Variants in ASMTL observed in about 807,000 individuals in gnomAD.
The protein encoded by ASMTL is acetylserotonin O-methyltransferase like.
Under a neutral mutation model 60.3 loss-of-function variants are expected in ASMTL, and 57 were observed. That is an observed-to-expected ratio of 0.95 (90% CI 0.76 to 1.18). The LOEUF (loss-of-function observed/expected upper bound fraction) is 1.18, where lower values mean the gene tolerates loss of function less well. Ranked by LOEUF, ASMTL falls within the 50% of genes most tolerant of loss-of-function variation. The probability of loss-of-function intolerance (pLI) is 0.00; values close to 1 mark genes in which losing one functional copy is unlikely to be tolerated. For missense variants in ASMTL, 981 were observed against 852.6 expected (o/e 1.15, Z -1.88); for synonymous variants, 419 against 373.0 (o/e 1.12, Z -1.42).
chrX:1,449,233 A>G (rs1197713533), intron 1 of ASMTL, among the ~76,000 whole-genome samples: 1 of 151,996 alleles, frequency 6.6e-6, no homozygotes, highest in African/African-American at 2.4e-5. Flanking sequence ...TTGACTGTGA[A>G]GCTGCTTTTC....
In ASMTL at chrX:1,442,398, G is replaced by A. The variant is rs757247564; in HGVS notation, c.94-81C>T. 1.7e-4 allele frequency: 266 copies of A among 1,529,276 alleles called. 2 individuals carry two copies. In the South Asian group the frequency reaches 2.6e-3, roughly 15 times the overall value. The allele number at this position is 1,529,276 out of a possible 1,614,324, so 94.7% of individuals were successfully genotyped here. A position where few individuals can be genotyped will look rare whatever the true frequency, so the allele number is the denominator to read the frequency against. ...ATGGGACATGCAAGATTTGCAGGAC[G>A]CACATAGCGTTTGCTACACTCCCCG... On this transcript the variant is annotated intron_variant, in intron 1 of 12. Coordinates refer to ENST00000381317, the MANE Select transcript of ASMTL (RefSeq NM_004192.4).
chrX:1,406,348 AGATG>A lies in ASMTL; in HGVS notation c.1646-2863_1646-2860del, dbSNP rs769481405. Among the ~76,000 whole-genome samples, 36 of 145,628 alleles carry A rather than the reference AGATG, an allele frequency of 2.5e-4. No homozygotes were observed. The South Asian group carries it at 3.2e-3, about 13-fold the overall frequency. On this transcript the variant is annotated intron_variant, in intron 12 of 12. Transcript: ENST00000381317. ...AGATGGATGGATGGATTCATGGATG[AGATG>A]GATGGATAGGTGAATAGATGGTAGA...
At chrX:1,437,790 G>A (rs1485534021) in intron 3 of ASMTL, among the ~76,000 whole-genome samples, 3 of 151,556 alleles carry the variant, frequency 2.0e-5, no homozygotes, top group Non-Finnish European at 2.9e-5. Flanking sequence ...CCCGCTACTC[G>A]GGAGGCTGAG....
Position 1,403,219 on chromosome X carries a change from A to T in ASMTL, c.*50T>A. 6.5e-7 allele frequency: 1 copy of T among 1,530,298 alleles called. No homozygotes were observed. Among genetic ancestry groups the T allele is most frequent in the South Asian group, 1.1e-5 (1 of 89,052 alleles). 94.8% of individuals were successfully genotyped at this position (1,530,298 alleles called of 1,614,324 possible). A position where few individuals can be genotyped will look rare whatever the true frequency, so the allele number is the denominator to read the frequency against. On this transcript the variant is annotated 3_prime_UTR_variant, in exon 13 of 13. Coordinates refer to ENST00000381317, the MANE Select transcript of ASMTL (RefSeq NM_004192.4). Reference sequence around the variant, plus strand: ...ATGGTACTTGGGGACCGGGCGGTCCACCTGCAGCCTGGGGGAGGACATCCC... The same window carrying T: ...ATGGTACTTGGGGACCGGGCGGTCCTCCTGCAGCCTGGGGGAGGACATCCC...
intron 3 of ASMTL, among the ~76,000 whole-genome samples, chrX:1,436,259 C>A (rs1294291227): frequency 6.6e-6 from 1 of 152,214 alleles, no homozygotes; most frequent in African/African-American, 2.4e-5. Flanking sequence ...CTGCAACCTC[C>A]GCCTCCGGGG....
At chrX:1,414,161 C>A (rs192869502) in intron 11 of ASMTL, 1 of 151,852 alleles carries the variant, frequency 6.6e-6, no homozygotes, top group Non-Finnish European at 1.5e-5. Context: ...TGGAGTGATG[C>A]GGCTACAAGC....
chrX:1,417,930 C>T (rs1182775955), intron 11 of ASMTL, 43 bp downstream of exon 11: 4 of 1,565,780 alleles, frequency 2.6e-6, no homozygotes, highest in Non-Finnish European at 2.6e-6. Flanking sequence ...AGAGATGCTG[C>T]AGTCTGGAAA....
intron 8 of ASMTL, among the ~76,000 whole-genome samples, chrX:1,425,191 G>A (rs5949072): frequency 0.67 from 101,589 of 151,924 alleles, 34,965 homozygotes; most frequent in South Asian, 0.87. Context: ...ATCCATCTAC[G>A]TTATTTGTCT....
intron 12 of ASMTL, among the ~76,000 whole-genome samples, chrX:1,405,362 AGATG>A (rs1244796900): frequency 1.1e-4 from 16 of 150,166 alleles, no homozygotes; most frequent in South Asian, 2.1e-4. Context: ...GGCATGGATG[AGATG>A]GATGGATGGG....
chrX:1,452,681 C>A, intron 1 of ASMTL, 67 bp downstream of exon 1: 1 of 1,349,470 alleles, frequency 7.4e-7, no homozygotes, highest in South Asian at 1.3e-5. Context: ...GTTCCTGAGT[C>A]GCTGGGCCCT....
At chrX:1,416,790 C>G (rs2090294400) in intron 11 of ASMTL, among the ~76,000 whole-genome samples, 1 of 147,536 alleles carries the variant, frequency 6.8e-6, no homozygotes, top group Admixed American at 6.7e-5. Flanking sequence ...CACACAAGCA[C>G]AGCAGTGACA....
chrX:1,420,568 T>C (rs1333682597), intron 9 of ASMTL, among the ~76,000 whole-genome samples: 2 of 152,212 alleles, frequency 1.3e-5, no homozygotes, highest in Non-Finnish European at 2.9e-5. Flanking sequence ...TCCCCACGCC[T>C]GGCTGGCACA....
upstream of ASMTL, among the ~76,000 whole-genome samples, chrX:1,453,435 C>T (rs2091445902): frequency 6.6e-6 from 1 of 151,888 alleles, no homozygotes; most frequent in South Asian, 2.1e-4. Flanking sequence ...CCGGCGCTCG[C>T]CCCGCCCCTC....
rs373535645 is a variant in ASMTL at position 1,420,481 on chromosome X, C to T, written c.1245+1177G>A. 5.3e-5 allele frequency among the ~76,000 whole-genome samples: 8 copies of T among 152,354 alleles called. No individual in the cohort carries two copies. The South Asian group carries it at 6.2e-4, about 12-fold the overall frequency. ...GCATCACACACACACACCCTGACTC[C>T]GTGCTCACTGCCACAGAAGCTCGGC... On this transcript the variant is annotated intron_variant, in intron 9 of 12. Coordinates refer to ENST00000381317, the MANE Select transcript of ASMTL (RefSeq NM_004192.4).
In ASMTL at chrX:1,452,860, G is replaced by T; in HGVS notation, c.-20C>A. 1 of 1,542,002 alleles carries T rather than the reference G, an allele frequency of 6.5e-7. No homozygotes were observed. The highest frequency in any genetic ancestry group is 1.2e-5 in the South Asian group (1 of 84,116). ...CACCATGGCGTCCACGCCGGGAGCC[G>T]GGCGTCCGCACTTCTGAGCCCGGAG... On this transcript the variant is annotated 5_prime_UTR_variant, in exon 1 of 13. Coordinates refer to ENST00000381317, the MANE Select transcript of ASMTL (RefSeq NM_004192.4).
At chrX:1,411,163 G>A (rs1275174574) in intron 12 of ASMTL, among the ~76,000 whole-genome samples, 3 of 151,900 alleles carry the variant, frequency 2.0e-5, no homozygotes, top group South Asian at 2.1e-4. Flanking sequence ...CAGCCTGGGC[G>A]ACAGAGCGAG....
rs1186868069 is a variant in ASMTL, at chrX:1,416,850, CACAG to C, written c.1522+1119_1522+1122del. Among the ~76,000 whole-genome samples, 14 of 151,434 alleles carry C rather than the reference CACAG, an allele frequency of 9.2e-5. No individual in the cohort carries two copies. In the East Asian group the frequency reaches 1.6e-3, roughly 17 times the overall value. ...ACAGATGGGCACACAGACATGCACA[CACAG>C]ACATGTACACATATATCCACAGACA... is the stretch of plus-strand genomic sequence containing the variant. On this transcript the variant is annotated intron_variant, in intron 11 of 12. Coordinates refer to ENST00000381317, the MANE Select transcript of ASMTL (RefSeq NM_004192.4).
At chrX:1,440,059 C>T (rs1224471320) in intron 2 of ASMTL, among the ~76,000 whole-genome samples, 1 of 151,334 alleles carries the variant, frequency 6.6e-6, no homozygotes, top group Non-Finnish European at 1.5e-5. Flanking sequence ...CGACTCACAA[C>T]AGCCTTACCT....
intron 11 of ASMTL, 85 bp from the exon 12 acceptor site, chrX:1,412,939 T>G: frequency 6.7e-7 from 1 of 1,493,772 alleles, no homozygotes; most frequent in Non-Finnish European, 9.3e-7. Context: ...GCCACCCGCA[T>G]CCTAAATCAG....
Sources: allele counts gnomAD v4.1 joint callset (sites outside exome capture counted in the v4.1 genomes callset), GRCh38; gene constraint gnomAD v4.1.1; transcripts MANE v1.5; gene names NCBI Gene and HGNC (gene_info 2026-07-23, HGNC 2026-07-21).